The following CEP350 variants were observed in gnomAD, a reference collection of about 807,000 sequenced individuals.
CEP350 encodes centrosomal protein 350.
Under a neutral mutation model 331.8 loss-of-function variants are expected in CEP350, and 126 were observed. That is an observed-to-expected ratio of 0.38 (90% confidence interval 0.33 to 0.44). The LOEUF is 0.44. Ranked by LOEUF, CEP350 falls within the 20% of genes least tolerant of loss-of-function variation. CEP350 has a pLI of 1.00. For missense variants in CEP350, 3,406 were observed against 3,634.6 expected (o/e 0.94, Z 1.62); for synonymous variants, 1,200 against 1,259.5 (o/e 0.95, Z 1.00).
At chr1:179,991,665 A>ATGTGTGTGTGTGTGTGTGTG (rs1478542787) in intron 4 of CEP350, among the ~76,000 whole-genome samples, 6 of 68,666 alleles carry the variant, frequency 8.7e-5, no homozygotes, top group Non-Finnish European at 1.6e-4. Context: ...GTATATATAT[A>ATGTGTGTGTGTGTGTGTGTG]TATGTGTGTG....
In CEP350 at chr1:180,095,501, TTGAA is replaced by T. The variant is rs751936994; in HGVS notation, c.8512-19_8512-16del. The T allele has an allele frequency of 1.9e-6, 3 of 1,603,274 alleles. No individual in the cohort carries two copies. In the Admixed American group the frequency reaches 5.2e-5, roughly 28 times the overall value. ...ATGAGGTCCCTAAATGGTGCTCTGT[TTGAA>T]TGGTTCCATTTCTATAGGAGAGCCC... On this transcript the variant is annotated intron_variant, in intron 34 of 37. Transcript: ENST00000367607.
intron 27 of CEP350, among the ~76,000 whole-genome samples, chr1:180,072,842 C>T (rs1658983260): frequency 6.6e-6 from 1 of 152,154 alleles, no homozygotes; most frequent in Admixed American, 6.5e-5. Context: ...ACTCCTTGCC[C>T]TTCCAAGGCA....
At chr1:179,996,074 C>A (rs1441149372) in intron 5 of CEP350, among the ~76,000 whole-genome samples, 4 of 152,138 alleles carry the variant, frequency 2.6e-5, no homozygotes, top group Non-Finnish European at 5.9e-5. Context: ...CTTAGGAAAT[C>A]TCTTTACATA....
chr1:180,093,187 T>C lies in CEP350; in HGVS notation c.7082T>C (p.Leu2361Ser). ...CAAAAGAACACAAAGGAAAAAGATTTGTCTTGGTCAGAACATCTTTTTGCT... is the reference window on the plus strand; with the variant it reads ...CAAAAGAACACAAAGGAAAAAGATTCGTCTTGGTCAGAACATCTTTTTGCT... ...HEQKNTKEKD[L>S]SWSEHLFAPK... Residue 2361 changes from leucine to serine, a missense_variant, in exon 34 of 38, where the codon TTG becomes TCG. This residue lies in a region of CEP350 where 1,415 missense variants were observed against 1,512.3 expected (regional missense o/e 0.94). Coordinates refer to ENST00000367607, the MANE Select transcript of CEP350 (RefSeq NM_014810.5). 3.1e-6 allele frequency: 5 copies of C among 1,599,464 alleles called. No homozygotes were observed. Among genetic ancestry groups the C allele is most frequent in the Non-Finnish European group, 4.3e-6 (5 of 1,172,074 alleles).
Position 180,075,244 on chromosome 1 carries a change from A to G in CEP350, c.5767+23A>G, listed in dbSNP as rs758679745. 6 of 1,561,922 alleles carry G rather than the reference A, an allele frequency of 3.8e-6. No homozygotes were observed. The East Asian group carries it at 1.4e-4, about 35-fold the overall frequency. On this transcript the variant is annotated intron_variant, in intron 28 of 37. Transcript: ENST00000367607. ...AAGGTAATAAATACTAACTCTGTTCACACTACAAACTAAAGCCTAACATAA... is the reference window on the plus strand; with the variant it reads ...AAGGTAATAAATACTAACTCTGTTCGCACTACAAACTAAAGCCTAACATAA...
Position 179,986,246 on chromosome 1 carries a change from C to CTGT in CEP350, c.67_69dup (p.Val23dup). 1.3e-6 allele frequency: 2 copies of CTGT among 1,550,026 alleles called. No homozygotes were observed. Among genetic ancestry groups the CTGT allele is most frequent in the Non-Finnish European group, 1.7e-6 (2 of 1,146,152 alleles). On this transcript the variant is annotated inframe_insertion, in exon 2 of 38. Coordinates refer to ENST00000367607, the MANE Select transcript of CEP350 (RefSeq NM_014810.5). ...CCAAGGAACTCTCAAAGCAAGGATA[C>CTGT]TGTTCAAGGTATGATTTTGTTTTTT...
At chr1:180,099,772 C>G (rs1350764252) in intron 37 of CEP350, among the ~76,000 whole-genome samples, 1 of 138,622 alleles carries the variant, frequency 7.2e-6, no homozygotes, top group East Asian at 2.3e-4. Flanking sequence ...ATTCTTATGC[C>G]TTATTTGATT....
At chr1:180,049,156 TGGATATTTAGCTGA>T (rs2148951682) in intron 22 of CEP350, among the ~76,000 whole-genome samples, 1 of 152,348 alleles carries the variant, frequency 6.6e-6, no homozygotes, top group Admixed American at 6.5e-5. Context: ...GTGATGTATT[TGGATATTTAGCTGA>T]GGAGATTTCT....
chr1:179,979,688 A>AT (rs1652135650), intron 1 of CEP350, among the ~76,000 whole-genome samples: 1 of 151,892 alleles, frequency 6.6e-6, no homozygotes, highest in African/African-American at 2.4e-5. Flanking sequence ...GGGTTCTTAT[A>AT]TTTAAGTCTT....
chr1:179,991,745 A>C (rs1202813252), intron 4 of CEP350, among the ~76,000 whole-genome samples: 1 of 124,860 alleles, frequency 8.0e-6, no homozygotes, highest in Non-Finnish European at 1.6e-5. Flanking sequence ...TTAACCTGGG[A>C]GTTTGTTAGG....
chr1:180,096,402 CA>C (rs34405391), intron 36 of CEP350, among the ~76,000 whole-genome samples: 12,525 of 138,382 alleles, frequency 0.091, 645 homozygotes, highest in Non-Finnish European at 0.12. Context: ...CAAGTTTGTG[CA>C]AAAAAAAAAA....
intron 37 of CEP350, among the ~76,000 whole-genome samples, chr1:180,109,295 T>C (rs2149202720): frequency 6.6e-6 from 1 of 152,102 alleles, no homozygotes; most frequent in Admixed American, 6.5e-5. Context: ...AATTTTTGTA[T>C]TTTTAGTAGA....
chr1:180,048,426 T>C, intron 21 of CEP350, 110 bp from the exon 22 acceptor site: 1 of 677,824 alleles, frequency 1.5e-6, no homozygotes, highest in Non-Finnish European at 2.5e-6. Context: ...TCTTTCTTCA[T>C]TTTTATCTTG....
chr1:179,959,530 A>G (rs1030584491), intron 1 of CEP350, among the ~76,000 whole-genome samples: 5 of 151,866 alleles, frequency 3.3e-5, no homozygotes, highest in African/African-American at 1.2e-4. Context: ...TGAGGCGGGC[A>G]GATCACCTGA....
chr1:179,956,946 A>G (rs1650216627), intron 1 of CEP350, among the ~76,000 whole-genome samples: 2 of 152,256 alleles, frequency 1.3e-5, no homozygotes, highest in South Asian at 4.1e-4. Flanking sequence ...TTAAAAAATT[A>G]TTCTATTTTT....
At chr1:180,105,576 T>C (rs1392910575) in intron 37 of CEP350, among the ~76,000 whole-genome samples, 1 of 152,196 alleles carries the variant, frequency 6.6e-6, no homozygotes, top group Non-Finnish European at 1.5e-5. Flanking sequence ...TCTATACCAA[T>C]CTGTTGAGAG....
In CEP350 at chr1:180,075,384, C is replaced by G. The variant is rs1374150852; in HGVS notation, c.5767+163C>G. On this transcript the variant is annotated intron_variant, in intron 28 of 37. Coordinates refer to ENST00000367607, the MANE Select transcript of CEP350 (RefSeq NM_014810.5). ...AGAGGATCGCCTGAGGCCAGGAGTTCAAGACCAGCCTGGATGACATAGCAG... is the reference window on the plus strand; with the variant it reads ...AGAGGATCGCCTGAGGCCAGGAGTTGAAGACCAGCCTGGATGACATAGCAG... Among the ~76,000 whole-genome samples the G allele has an allele frequency of 2.0e-5, 3 of 151,942 alleles. No homozygotes were observed. The East Asian group carries it at 5.8e-4, about 29-fold the overall frequency.
chr1:180,094,166 C>T lies in CEP350; in HGVS notation c.8061C>T (p.Asp2687=), dbSNP rs746644118. The T allele has an allele frequency of 3.9e-5, 63 of 1,613,446 alleles. No individual in the cohort carries two copies. Among genetic ancestry groups the T allele is most frequent in the Non-Finnish European group, 5.3e-5 (62 of 1,179,706 alleles). Residue 2687 remains aspartate, a synonymous_variant, in exon 34 of 38, where the codon GAC becomes GAT. Transcript: ENST00000367607. ...TCGCTGCAGAAGATGACACTTTAGA[C>T]AATACCTTTTCCGAAGAATTGGAGA... The part of the protein sequence containing the change: ...VSIAAEDDTL[D]NTFSEELEKQ...
chr1:179,996,856 G>A lies in CEP350; in HGVS notation c.699G>A (p.Glu233=), dbSNP rs770802125. 10 of 1,613,800 alleles carry A rather than the reference G, an allele frequency of 6.2e-6. No homozygotes were observed. Among genetic ancestry groups the A allele is most frequent in the Middle Eastern group, 1.6e-4 (1 of 6,062 alleles). Residue 233 remains glutamate, a synonymous_variant, in exon 6 of 38, where the codon GAG becomes GAA. Coordinates refer to ENST00000367607, the MANE Select transcript of CEP350 (RefSeq NM_014810.5). ...TGCCTAACAGAACAAAAGGAAGTGA[G>A]AATAATTTGAAGCTTTCTGTGAATA... ...EEMPNRTKGS[E]NNLKLSVNNM... is the part of the protein sequence containing the mutation.
Sources: allele counts gnomAD v4.1 joint callset (sites outside exome capture counted in the v4.1 genomes callset), GRCh38; gene constraint gnomAD v4.1.1; regional missense constraint gnomAD v4.1.1; transcripts MANE v1.5; gene names NCBI Gene and HGNC (gene_info 2026-07-23, HGNC 2026-07-21).